The following DPF3 variants were observed in gnomAD, a reference collection of about 807,000 sequenced individuals.
The protein encoded by DPF3 is double PHD fingers 3, also known as zinc finger protein DPF3.
Under a neutral mutation model 56.8 loss-of-function variants are expected in DPF3, and 18 were observed. That is an observed-to-expected ratio of 0.32 (90% CI 0.22 to 0.47). The LOEUF is 0.47. Among genes scored for constraint, DPF3 ranks in the 20% least tolerant of loss-of-function variants. The probability of loss-of-function intolerance (pLI) is 1.00; values close to 1 mark genes in which losing one functional copy is unlikely to be tolerated. For missense variants in DPF3, 403 were observed against 488.8 expected (o/e 0.82, Z 1.65); for synonymous variants, 188 against 180.2 (o/e 1.04, Z -0.35).
intron 1 of DPF3, among the ~76,000 whole-genome samples, chr14:72,826,956 C>G (rs1223327420): frequency 6.6e-6 from 1 of 151,224 alleles, no homozygotes; most frequent in Non-Finnish European, 1.5e-5. Context: ...GCAGGAGAAT[C>G]GCTTGAAACT....
intron 1 of DPF3, among the ~76,000 whole-genome samples, chr14:72,827,635 C>T (rs1282920536): frequency 6.6e-6 from 1 of 151,802 alleles, no homozygotes; most frequent in Non-Finnish European, 1.5e-5. Flanking sequence ...CACCGCCATG[C>T]CCAGCTAATT....
chr14:72,892,973 A>C (rs796877120), intron 1 of DPF3, among the ~76,000 whole-genome samples: 1 of 126,970 alleles, frequency 7.9e-6, no homozygotes, highest in Non-Finnish European at 1.7e-5. Flanking sequence ...GGAAGGAAGG[A>C]AGGAAGGAAG....
intron 1 of DPF3, among the ~76,000 whole-genome samples, chr14:72,834,054 C>T (rs1172803021): frequency 2.0e-5 from 3 of 151,950 alleles, no homozygotes; most frequent in Admixed American, 6.6e-5. Context: ...TGCTGGTGCA[C>T]GCCTGTAATC....
At chr14:72,670,439 C>G in intron 8 of DPF3, 1 of 985,932 alleles carries the variant, frequency 1.0e-6, no homozygotes, top group Non-Finnish European at 1.2e-6. Flanking sequence ...CCCGACTTCT[C>G]TGGAACTACT....
intron 1 of DPF3, among the ~76,000 whole-genome samples, chr14:72,807,294 C>T (rs923152196): frequency 6.6e-6 from 1 of 152,216 alleles, no homozygotes; most frequent in African/African-American, 2.4e-5. Context: ...AGAATTGAAG[C>T]ACCTATTTCT....
intron 8 of DPF3, among the ~76,000 whole-genome samples, chr14:72,665,665 AAGGACTTGTAAG>A (rs1567193781): frequency 6.6e-6 from 1 of 152,220 alleles, no homozygotes; most frequent in Non-Finnish European, 1.5e-5. Context: ...TTCCAGATTA[AAGGACTTGTAAG>A]AGGACATGGC....
intron 1 of DPF3, among the ~76,000 whole-genome samples, chr14:72,775,226 G>A (rs1819210646): frequency 6.6e-6 from 1 of 151,850 alleles, no homozygotes; most frequent in African/African-American, 2.4e-5. Context: ...CATAAAATCA[G>A]GCCCCCCAAA....
chr14:72,639,704 C>G (rs1885485996), intron 8 of DPF3, among the ~76,000 whole-genome samples: 1 of 152,034 alleles, frequency 6.6e-6, no homozygotes, highest in Non-Finnish European at 1.5e-5. Context: ...GACCACAGCC[C>G]CAGCTGACAA....
chr14:72,831,296 C>T (rs760047044), intron 1 of DPF3, among the ~76,000 whole-genome samples: 2 of 152,012 alleles, frequency 1.3e-5, no homozygotes, highest in African/African-American at 4.8e-5. Flanking sequence ...TAGTAGAAAC[C>T]CCACCAAGAC....
chr14:72,893,260 G>A (rs1472238784), intron 1 of DPF3, among the ~76,000 whole-genome samples: 1 of 152,096 alleles, frequency 6.6e-6, no homozygotes, highest in Non-Finnish European at 1.5e-5. Context: ...CCCAGAGGTG[G>A]CGAGAACACC....
chr14:72,863,580 C>T (rs915543592), intron 1 of DPF3, among the ~76,000 whole-genome samples: 6 of 148,914 alleles, frequency 4.0e-5, no homozygotes, highest in Non-Finnish European at 7.4e-5. Context: ...AAAAAGCAAC[C>T]GATGTGTAGA....
At chr14:72,764,019 T>C (rs1891163557) in intron 2 of DPF3, among the ~76,000 whole-genome samples, 1 of 152,184 alleles carries the variant, frequency 6.6e-6, no homozygotes, top group South Asian at 2.1e-4. Context: ...TGGCACACAG[T>C]TCCTAAAACC....
chr14:72,835,414 TGATGGC>T, intron 1 of DPF3, among the ~76,000 whole-genome samples: 1 of 152,336 alleles, frequency 6.6e-6, no homozygotes, highest in African/African-American at 2.4e-5. Flanking sequence ...CAGATGTGGA[TGATGGC>T]GGATGTACTA....
intron 1 of DPF3, among the ~76,000 whole-genome samples, chr14:72,889,792 C>T (rs1886680534): frequency 6.6e-6 from 1 of 152,210 alleles, no homozygotes; most frequent in South Asian, 2.1e-4. Flanking sequence ...ATTTTCTTCT[C>T]CCAGAGTAGT....
At chr14:72,734,013 C>T (rs752153623) in intron 3 of DPF3, among the ~76,000 whole-genome samples, 2 of 152,142 alleles carry the variant, frequency 1.3e-5, no homozygotes, top group Non-Finnish European at 2.9e-5. Flanking sequence ...CATCAAGGAG[C>T]GCTACCACGA....
At chr14:72,747,058 C>G (rs1890355363) in intron 3 of DPF3, among the ~76,000 whole-genome samples, 1 of 152,210 alleles carries the variant, frequency 6.6e-6, no homozygotes, top group Non-Finnish European at 1.5e-5. Context: ...AAATAGCTGC[C>G]TGCCTCAGTC....
chr14:72,694,795 C>T (rs1887839894), intron 6 of DPF3, among the ~76,000 whole-genome samples: 1 of 152,140 alleles, frequency 6.6e-6, no homozygotes, highest in South Asian at 2.1e-4. Context: ...TTAGTCTTTA[C>T]CAAATTTAAG....
chr14:72,752,020 G>A (rs2139898962), intron 3 of DPF3, among the ~76,000 whole-genome samples: 1 of 152,334 alleles, frequency 6.6e-6, no homozygotes, highest in Non-Finnish European at 1.5e-5. Flanking sequence ...CTATTTAAGT[G>A]AAATACGGAT....
chr14:72,853,034 C>CATGTGTGTGTGTGTGT, intron 1 of DPF3, among the ~76,000 whole-genome samples: 1 of 144,112 alleles, frequency 6.9e-6, no homozygotes, highest in South Asian at 2.3e-4. Flanking sequence ...CATAGCCTTG[C>CATGTGTGTGTGTGTGT]GTGTGTGTGT....
Sources: allele counts gnomAD v4.1 joint callset (sites outside exome capture counted in the v4.1 genomes callset), GRCh38; gene constraint gnomAD v4.1.1; transcripts MANE v1.5; gene names NCBI Gene and HGNC (gene_info 2026-07-23, HGNC 2026-07-21).